The following ATP9A variants were observed in gnomAD, a reference collection of about 807,000 sequenced individuals.
ATP9A encodes probable phospholipid-transporting ATPase IIA.
ATP9A carries 52 observed loss-of-function variants against 144.1 expected under a neutral mutation model. That is an observed-to-expected ratio of 0.36 (90% CI 0.29 to 0.45). The LOEUF is 0.45. Among genes scored for constraint, ATP9A ranks in the 20% least tolerant of loss-of-function variants. The pLI, the probability that ATP9A is intolerant of heterozygous loss-of-function variation, is 1.00. For synonymous variants in ATP9A, 582 were observed against 557.4 expected (o/e 1.04, Z -0.62); for missense variants, 947 against 1,392.7 (o/e 0.68, Z 5.09).
intron 24 of ATP9A, among the ~76,000 whole-genome samples, chr20:51,609,495 T>G (rs1009408569): frequency 2.0e-5 from 3 of 152,076 alleles, no homozygotes; most frequent in African/African-American, 7.2e-5. Context: ...TCCACCTACC[T>G]GGGTGATTCA....
chr20:51,746,136 C>T (rs2077807038), intron 1 of ATP9A, among the ~76,000 whole-genome samples: 2 of 152,070 alleles, frequency 1.3e-5, no homozygotes, highest in African/African-American at 4.8e-5. Context: ...TAAGAACTTA[C>T]AGGCACAAAG....
At chr20:51,624,244 C>T (rs1255610848) in intron 18 of ATP9A, among the ~76,000 whole-genome samples, 1 of 152,186 alleles carries the variant, frequency 6.6e-6, no homozygotes, top group Non-Finnish European at 1.5e-5. Context: ...CTGAATGTTG[C>T]CTGGCATCTA....
intron 1 of ATP9A, among the ~76,000 whole-genome samples, chr20:51,750,883 C>T (rs971450635): frequency 6.6e-6 from 1 of 152,198 alleles, no homozygotes; most frequent in Non-Finnish European, 1.5e-5. Context: ...AGGGTCCCCA[C>T]TGGCACTGCC....
rs1206058115 is a variant in ATP9A at position 51,733,173 on chromosome 20, GTACAGGT to G, written c.69-3202_69-3196del. Among the ~76,000 whole-genome samples, 6 of 152,130 alleles carry G rather than the reference GTACAGGT, an allele frequency of 3.9e-5. No individual in the cohort carries two copies. In the East Asian group the frequency reaches 1.2e-3, roughly 29 times the overall value. On this transcript the variant is annotated intron_variant, in intron 1 of 27. Coordinates refer to ENST00000338821, the MANE Select transcript of ATP9A (RefSeq NM_006045.3). The stretch of plus-strand genomic sequence containing the variant: ...TATCACCTTTGTGCATATGCACAAA[GTACAGGT>G]CACTCACTGCACTATGGGAGCAAGA...
At chr20:51,667,404 G>A (rs943440339) in intron 13 of ATP9A, among the ~76,000 whole-genome samples, 8 of 152,216 alleles carry the variant, frequency 5.3e-5, no homozygotes, top group African/African-American at 1.9e-4. Context: ...GGCTGCGAGT[G>A]ATACAGACAT....
At chr20:51,685,429 G>A (rs1301537437) in intron 9 of ATP9A, among the ~76,000 whole-genome samples, 1 of 152,014 alleles carries the variant, frequency 6.6e-6, no homozygotes, top group Non-Finnish European at 1.5e-5. Flanking sequence ...GGGCGTGTTG[G>A]CGGGCCCCTA....
At chr20:51,642,248 G>A (rs568614556) in intron 14 of ATP9A, among the ~76,000 whole-genome samples, 4 of 151,904 alleles carry the variant, frequency 2.6e-5, no homozygotes, top group East Asian at 1.9e-4. Context: ...TCCACCTCCC[G>A]GGTTCAAGCA....
chr20:51,682,748 C>A (rs1467411890), intron 9 of ATP9A, among the ~76,000 whole-genome samples: 1 of 149,926 alleles, frequency 6.7e-6, no homozygotes, highest in African/African-American at 2.4e-5. Context: ...CGCACCACCA[C>A]ACCCGGCTAA....
In ATP9A at chr20:51,733,490, T is replaced by C. The variant is rs570490368; in HGVS notation, c.69-3512A>G. Among the ~76,000 whole-genome samples the C allele has an allele frequency of 4.3e-4, 66 of 152,072 alleles. 1 individual carries two copies. The highest frequency in any genetic ancestry group is 1.6e-3 in the African/African-American group (65 of 41,498). On this transcript the variant is annotated intron_variant, in intron 1 of 27. Transcript: ENST00000338821. ...CTGGGTTCAAGCCATTCTCCTGCCTTAGCCTCCTGAGTAGCTGGGATTACA... is the reference window on the plus strand; with the variant it reads ...CTGGGTTCAAGCCATTCTCCTGCCTCAGCCTCCTGAGTAGCTGGGATTACA...
At chr20:51,765,406 G>C (rs2077899096) in intron 1 of ATP9A, among the ~76,000 whole-genome samples, 1 of 152,140 alleles carries the variant, frequency 6.6e-6, no homozygotes, top group Non-Finnish European at 1.5e-5. Flanking sequence ...TGTAATCACA[G>C]CACTTTGGGA....
intron 1 of ATP9A, among the ~76,000 whole-genome samples, chr20:51,756,706 C>T (rs957009215): frequency 2.0e-5 from 3 of 152,180 alleles, no homozygotes; most frequent in Non-Finnish European, 2.9e-5. Flanking sequence ...TCTCCAAATG[C>T]AGTCACATTC....
intron 9 of ATP9A, among the ~76,000 whole-genome samples, chr20:51,685,037 AAAAT>A (rs2077517182): frequency 6.6e-6 from 1 of 151,676 alleles, no homozygotes; most frequent in African/African-American, 2.4e-5. Flanking sequence ...AAAAAAAAAA[AAAAT>A]ACAAATAAAT....
At chr20:51,714,448 C>T (rs559598088) in intron 3 of ATP9A, among the ~76,000 whole-genome samples, 2 of 152,264 alleles carry the variant, frequency 1.3e-5, no homozygotes, top group South Asian at 4.1e-4. Flanking sequence ...GTGGCACCAT[C>T]TCGGCTCACT....
chr20:51,689,079 T>A lies in ATP9A; in HGVS notation c.784A>T (p.Thr262Ser), dbSNP rs767406168. The change falls in exon 9 of 28, where the codon ACT (threonine) becomes TCT (serine). Residue 262 changes from threonine (T) to serine (S), a missense_variant. Thr to Ser is a moderately conservative substitution (Grantham distance 58, BLOSUM62 1). Coordinates refer to ENST00000338821, the MANE Select transcript of ATP9A (RefSeq NM_006045.3). ...GGCGCCTCACCTGATGCGACCACAG[T>A]GCCAGCCCACAGCGTGTTCTCTATG... ...LSIENTLWAG[T>S]VVASGTVVGV... 2.5e-6 allele frequency: 4 copies of A among 1,614,000 alleles called. No homozygotes were observed. Among genetic ancestry groups the A allele is most frequent in the Admixed American group, 1.7e-5 (1 of 59,998 alleles).
At chr20:51,686,500 G>C (rs1354533390) in intron 9 of ATP9A, among the ~76,000 whole-genome samples, 2 of 152,036 alleles carry the variant, frequency 1.3e-5, no homozygotes, top group East Asian at 1.9e-4. Flanking sequence ...AAAAGTGAAA[G>C]TTTGATATTC....
chr20:51,622,993 GCTT>G (rs2077233084), intron 18 of ATP9A, among the ~76,000 whole-genome samples: 1 of 152,158 alleles, frequency 6.6e-6, no homozygotes, highest in Admixed American at 6.5e-5. Flanking sequence ...CTTCATGACA[GCTT>G]CTGGAGGCTG....
In ATP9A at chr20:51,676,157, A is replaced by G. The variant is rs1405338658; in HGVS notation, c.851T>C (p.Met284Thr). ...CTTACTTCGGGGATTTGAGGTATTC[A>G]TGACACTCCGGAGTTCTCTGCCAGT... ...LYTGRELRSV[M>T]NTSNPRSKIG... The change falls in exon 10 of 28, where the codon ATG (methionine) becomes ACG (threonine). Residue 284 changes from methionine to threonine, a missense_variant. Met to Thr is a moderately conservative substitution (Grantham distance 81). Around this residue, in one of 2 missense-constraint regions of ATP9A, gnomAD observed 770 missense variants for 1,047.9 expected, o/e 0.73. Coordinates refer to ENST00000338821, the MANE Select transcript of ATP9A (RefSeq NM_006045.3). 4 of 1,613,438 alleles carry G rather than the reference A, an allele frequency of 2.5e-6. No individual in the cohort carries two copies. The highest frequency in any genetic ancestry group is 3.4e-6 in the Non-Finnish European group (4 of 1,179,756).
At chr20:51,678,128 G>T (rs2122797972) in intron 9 of ATP9A, among the ~76,000 whole-genome samples, 1 of 150,326 alleles carries the variant, frequency 6.7e-6, no homozygotes, top group East Asian at 2.0e-4. Flanking sequence ...GGACTGGGTG[G>T]CAGGGCGGGG....
intron 8 of ATP9A, 135 bp downstream of exon 8, chr20:51,690,604 A>G (rs2077544204): frequency 2.3e-5 from 17 of 741,966 alleles, no homozygotes; most frequent in South Asian, 2.2e-4. Context: ...GCTGGCTTTC[A>G]AGGCGGTGCC....
Sources: allele counts gnomAD v4.1 joint callset (sites outside exome capture counted in the v4.1 genomes callset), GRCh38; gene constraint gnomAD v4.1.1; regional missense constraint gnomAD v4.1.1; transcripts MANE v1.5; gene names NCBI Gene and HGNC (gene_info 2026-07-23, HGNC 2026-07-21).